PLPPR1: variants seen among roughly 807,000 people sequenced by gnomAD.
The protein encoded by PLPPR1 is phospholipid phosphatase-related protein type 1.
A neutral mutation model predicts 33.1 loss-of-function variants in PLPPR1; 10 were observed. The observed-to-expected ratio is 0.30, with a 90% CI of 0.19 to 0.51. The LOEUF (loss-of-function observed/expected upper bound fraction) is 0.51. Among genes scored for constraint, PLPPR1 ranks in the 20% least tolerant of loss-of-function variants. PLPPR1 has a pLI of 0.97. For missense variants in PLPPR1, 304 were observed against 408.1 expected, an observed-to-expected ratio of 0.74 and a Z score of 2.20; for synonymous variants, 151 against 151.0, an observed-to-expected ratio of 1.00 and a Z score of 0.00.
intron 2 of PLPPR1, among the ~76,000 whole-genome samples, chr9:101,196,552 T>C (rs1199494554): frequency 6.6e-6 from 1 of 152,212 alleles, no homozygotes; most frequent in Admixed American, 6.5e-5. Flanking sequence ...AGTGGACCAC[T>C]ATGCATTGAT....
intron 3 of PLPPR1, among the ~76,000 whole-genome samples, chr9:101,282,083 G>A (rs1488855247): frequency 6.6e-6 from 1 of 152,152 alleles, no homozygotes; most frequent in African/African-American, 2.4e-5. Flanking sequence ...TACAAGGTCA[G>A]CATTCCCCTA....
At chr9:101,235,680 T>G (rs1025008273) in intron 2 of PLPPR1, among the ~76,000 whole-genome samples, 8 of 151,820 alleles carry the variant, frequency 5.3e-5, no homozygotes, top group Admixed American at 4.6e-4. Flanking sequence ...CTTCTGCTGA[T>G]AGAACAGCAA....
At position 101,126,777 on chromosome 9, in the gene PLPPR1, G is replaced by A. The variant is rs1185947606; in HGVS notation, c.-45-58673G>A. On this transcript the variant is annotated intron_variant, in intron 1 of 7. Coordinates refer to ENST00000374874, the MANE Select transcript of PLPPR1 (RefSeq NM_207299.2). ...TTTCATTTAATTTCCTCCAGTTTCT[G>A]TTCCTCACATTCAGAATCTGAAGTT... is the stretch of plus-strand genomic sequence containing the variant. 3.3e-5 allele frequency among the ~76,000 whole-genome samples: 5 copies of A among 152,186 alleles called. No homozygotes were observed. The South Asian group carries it at 1.0e-3, about 32-fold the overall frequency.
intron 2 of PLPPR1, among the ~76,000 whole-genome samples, chr9:101,249,947 T>C (rs1042326032): frequency 1.3e-5 from 2 of 152,072 alleles, no homozygotes; most frequent in African/African-American, 4.8e-5. Flanking sequence ...CTCTACATTG[T>C]CGTCCACACC....
intron 2 of PLPPR1, among the ~76,000 whole-genome samples, chr9:101,241,460 G>GA (rs1827463136): frequency 6.6e-6 from 1 of 152,212 alleles, no homozygotes; most frequent in East Asian, 1.9e-4. Context: ...CATGTTTTAA[G>GA]AAAATCTATG....
intron 3 of PLPPR1, among the ~76,000 whole-genome samples, chr9:101,281,458 T>C (rs1165086331): frequency 6.6e-6 from 1 of 152,046 alleles, no homozygotes; most frequent in East Asian, 1.9e-4. Context: ...GCCAAAGCTA[T>C]CTTGAGCAAA....
chr9:101,046,090 T>G (rs1830139778), intron 1 of PLPPR1, among the ~76,000 whole-genome samples: 1 of 152,192 alleles, frequency 6.6e-6, no homozygotes, highest in Admixed American at 6.5e-5. Flanking sequence ...CTAATGCATC[T>G]ATGTGTCTGT....
At chr9:101,247,420 C>T (rs556308584) in intron 2 of PLPPR1, among the ~76,000 whole-genome samples, 7 of 151,962 alleles carry the variant, frequency 4.6e-5, no homozygotes, top group Non-Finnish European at 8.8e-5. Flanking sequence ...TTTGCACAGC[C>T]ACCATAGAAA....
intron 2 of PLPPR1, among the ~76,000 whole-genome samples, chr9:101,261,346 G>GT (rs1564019741): frequency 6.6e-6 from 1 of 152,062 alleles, no homozygotes; most frequent in Non-Finnish European, 1.5e-5. Context: ...TTGTTGCTCA[G>GT]TTTTTTTAAC....
chr9:101,168,601 C>G (rs935125631), intron 1 of PLPPR1, among the ~76,000 whole-genome samples: 3 of 152,088 alleles, frequency 2.0e-5, no homozygotes, highest in African/African-American at 7.2e-5. Flanking sequence ...TGTAAGCTAC[C>G]TGCTGTCAAT....
chr9:101,311,073 G>A (rs1828945747), intron 5 of PLPPR1, among the ~76,000 whole-genome samples: 2 of 151,368 alleles, frequency 1.3e-5, no homozygotes, highest in Admixed American at 1.3e-4. Flanking sequence ...CCTAAACAAT[G>A]TATTCTTGTG....
chr9:101,202,239 A>G (rs1398767595), intron 2 of PLPPR1, among the ~76,000 whole-genome samples: 1 of 152,224 alleles, frequency 6.6e-6, no homozygotes, highest in Non-Finnish European at 1.5e-5. Context: ...GCATAATGTG[A>G]CTGCTTAGCG....
chr9:101,262,304 G>A (rs923290703), intron 2 of PLPPR1, among the ~76,000 whole-genome samples: 1 of 152,198 alleles, frequency 6.6e-6, no homozygotes, highest in African/African-American at 2.4e-5. Context: ...AGGCAGCACA[G>A]CTGGTTTCCA....
chr9:101,078,162 AAGAAGAAGAAGAAGAAGAAG>A (rs1830567017), intron 1 of PLPPR1, among the ~76,000 whole-genome samples: 1 of 32,792 alleles, frequency 3.0e-5, no homozygotes, highest in Non-Finnish European at 5.7e-5. Context: ...GAAGAAGAAG[AAGAAGAAGAAGAAGAAGAAG>A]AAGAGGAGGG....
chr9:101,041,783 G>A (rs574738763), intron 1 of PLPPR1, among the ~76,000 whole-genome samples: 18 of 152,238 alleles, frequency 1.2e-4, no homozygotes, highest in Admixed American at 2.0e-4. Context: ...CTGAGTCTCC[G>A]TCTCTGTGGA....
intron 2 of PLPPR1, among the ~76,000 whole-genome samples, chr9:101,205,522 T>C (rs1297333263): frequency 6.6e-6 from 1 of 152,208 alleles, no homozygotes; most frequent in Admixed American, 6.5e-5. Flanking sequence ...CATCTGAAAG[T>C]CGTTGTTATT....
At chr9:101,050,917 C>T (rs1282080519) in intron 1 of PLPPR1, among the ~76,000 whole-genome samples, 3 of 152,148 alleles carry the variant, frequency 2.0e-5, no homozygotes, top group Non-Finnish European at 4.4e-5. Context: ...CGGCTCTTAC[C>T]CAGTCTCCTT....
intron 7 of PLPPR1, among the ~76,000 whole-genome samples, chr9:101,320,636 G>A (rs1318151876): frequency 6.6e-6 from 1 of 152,124 alleles, no homozygotes; most frequent in African/African-American, 2.4e-5. Context: ...TACCAGTCGT[G>A]AAAAATGCAA....
At chr9:101,138,535 C>T (rs1831406637) in intron 1 of PLPPR1, among the ~76,000 whole-genome samples, 1 of 152,178 alleles carries the variant, frequency 6.6e-6, no homozygotes, top group African/African-American at 2.4e-5. Flanking sequence ...GGACAACCTC[C>T]ATTTCACAAG....
Sources: gnomAD v4.1 joint callset for allele counts (sites outside exome capture counted in the v4.1 genomes callset) on GRCh38, gnomAD v4.1.1 for gene constraint, MANE v1.5 for transcripts, NCBI Gene and HGNC (gene_info 2026-07-23, HGNC 2026-07-21) for gene names.